CASP10: variants seen among roughly 807,000 people sequenced by gnomAD.
CASP10 encodes caspase-10.
CASP10 carries 41 observed loss-of-function variants against 48.5 expected under a neutral mutation model. The observed-to-expected ratio is 0.85, with a 90% CI of 0.66 to 1.10. CASP10 has a LOEUF of 1.10. Among genes scored for constraint, CASP10 ranks in the 50% least tolerant of loss-of-function variants. The pLI is 0.00. For synonymous variants in CASP10, 232 were observed against 238.4 expected, an observed-to-expected ratio of 0.97 and a Z score of 0.25; for missense variants, 614 against 614.5, an observed-to-expected ratio of 1.00 and a Z score of 0.01.
intron 5 of CASP10, among the ~76,000 whole-genome samples, chr2:201,196,922 G>A (rs2126024694): frequency 6.6e-6 from 1 of 152,098 alleles, no homozygotes; most frequent in Non-Finnish European, 1.5e-5. Context: ...CATATAAGTA[G>A]AACCATACAA....
At chr2:201,227,462 T>A (rs1273297287) in intron 9 of CASP10, among the ~76,000 whole-genome samples, 1 of 152,228 alleles carries the variant, frequency 6.6e-6, no homozygotes, top group East Asian at 1.9e-4. Flanking sequence ...GATCTGGATA[T>A]AATCTCCAGA....
downstream of CASP10, among the ~76,000 whole-genome samples, chr2:201,224,583 C>CAGA (rs1170354172): frequency 1.3e-5 from 2 of 152,148 alleles, no homozygotes; most frequent in Non-Finnish European, 2.9e-5. Flanking sequence ...ACTGTATACC[C>CAGA]AGTCCTCCCC....
In CASP10 at chr2:201,208,076, G is replaced by A. The variant is rs1460561109; in HGVS notation, c.815G>A (p.Arg272Lys). 1.2e-6 allele frequency: 2 copies of A among 1,611,570 alleles called. No homozygotes were observed. The highest frequency in any genetic ancestry group is 1.1e-5 in the South Asian group (1 of 91,018). The change falls in exon 8 of 10, where the codon AGG (arginine) becomes AAG (lysine). Residue 272 changes from arginine (R) to lysine (K), a missense_variant and splice_region_variant. Coordinates refer to ENST00000286186, the MANE Select transcript of CASP10 (RefSeq NM_032977.4). ...AAGTGGCTCTATCTATTCTTCAAGA[G>A]GGCAGCTGTGTACAGGATGAATCGG... ...NTLNSETSTK[R>K]AAVYRMNRNH... is the part of the protein sequence containing the mutation.
chr2:201,200,405 G>A, intron 5 of CASP10: 1 of 1,583,948 alleles, frequency 6.3e-7, no homozygotes, highest in Non-Finnish European at 8.6e-7. Context: ...TTGGCTCTCA[G>A]CATTCTACTG....
chr2:201,203,907 G>A, intron 6 of CASP10, 141 bp downstream of exon 6: 1 of 751,882 alleles, frequency 1.3e-6, no homozygotes, highest in South Asian at 1.5e-5. Context: ...TCCAATTCAA[G>A]GCAAGACATT....
intron 5 of CASP10, among the ~76,000 whole-genome samples, chr2:201,198,529 T>C (rs988722495): frequency 2.7e-5 from 4 of 146,394 alleles, no homozygotes; most frequent in Non-Finnish European, 4.5e-5. Flanking sequence ...CCGGCCTTTA[T>C]TTTTTAATTC....
At chr2:201,201,423 C>T (rs751332453) in intron 5 of CASP10, among the ~76,000 whole-genome samples, 2 of 152,104 alleles carry the variant, frequency 1.3e-5, no homozygotes, top group Non-Finnish European at 1.5e-5. Flanking sequence ...TAACTCTTCC[C>T]ACCCACTTTT....
chr2:201,204,848 G>A (rs536656688), intron 6 of CASP10, among the ~76,000 whole-genome samples: 3 of 152,330 alleles, frequency 2.0e-5, no homozygotes, highest in Admixed American at 1.3e-4. Flanking sequence ...CTCTCATGGT[G>A]AGGAGGAATT....
chr2:201,200,099 A>C (rs1944959049), intron 5 of CASP10, among the ~76,000 whole-genome samples: 2 of 152,166 alleles, frequency 1.3e-5, no homozygotes, highest in African/African-American at 4.8e-5. Context: ...TCCCATCTGG[A>C]AATACGTCAT....
At position 201,218,993 on chromosome 2, in the gene CASP10, G is replaced by C; in HGVS notation, c.*1252G>C. On this transcript the variant is annotated 3_prime_UTR_variant, in exon 10 of 10. Coordinates refer to ENST00000286186, the MANE Select transcript of CASP10 (RefSeq NM_032977.4). ...TGATGTCATATTCCATTTTGGACTG[G>C]GTGCGGTGACTCATGCCTGTAATCC... The C allele has an allele frequency of 1.0e-6, 1 of 985,364 alleles. No individual in the cohort carries two copies. The highest frequency in any genetic ancestry group is 1.7e-5 in the African/African-American group (1 of 57,342). 61.0% of individuals were successfully genotyped at this position (985,364 alleles called of 1,614,324 possible).
Position 201,185,773 on chromosome 2 carries a change from T to A in CASP10, c.-5T>A. The A allele has an allele frequency of 6.2e-7, 1 of 1,606,236 alleles. No individual in the cohort carries two copies. The highest frequency in any genetic ancestry group is 8.5e-7 in the Non-Finnish European group (1 of 1,172,856). On this transcript the variant is annotated splice_region_variant and 5_prime_UTR_variant, in exon 2 of 10. Coordinates refer to ENST00000286186, the MANE Select transcript of CASP10 (RefSeq NM_032977.4). ...CCCCACCTCTCTGTCCCTTTCAGGCTGGCCATGAAATCTCAAGGTCAACAT... is the reference window on the plus strand; with the variant it reads ...CCCCACCTCTCTGTCCCTTTCAGGCAGGCCATGAAATCTCAAGGTCAACAT...
At chr2:201,189,709 A>C (rs1326606504) in intron 3 of CASP10, among the ~76,000 whole-genome samples, 1 of 152,176 alleles carries the variant, frequency 6.6e-6, no homozygotes, top group South Asian at 2.1e-4. Context: ...ACTGAAGTTC[A>C]AACTGAGGCT....
intron 9 of CASP10, chr2:201,214,371 G>A (rs1301113323): frequency 6.6e-6 from 1 of 152,116 alleles, no homozygotes; most frequent in Non-Finnish European, 1.5e-5. Context: ...AATTAATATG[G>A]AAATACAGGG....
intron 4 of CASP10, among the ~76,000 whole-genome samples, chr2:201,193,813 C>CT (rs1944696769): frequency 6.6e-6 from 1 of 152,168 alleles, no homozygotes; most frequent in African/African-American, 2.4e-5. Flanking sequence ...AGAGTGGACT[C>CT]TATAGAGTCG....
chr2:201,195,676 T>A (rs148307772), intron 4 of CASP10, among the ~76,000 whole-genome samples, 166 bp from the exon 5 acceptor site: 1 of 151,884 alleles, frequency 6.6e-6, no homozygotes, highest in Non-Finnish European at 1.5e-5. Context: ...TTTGCTTCAG[T>A]ATTTTTTTTT....
rs761697792 is a variant in CASP10 at position 201,209,200 on chromosome 2, C to T, written c.1053C>T (p.Phe351=). 3.3e-5 allele frequency: 53 copies of T among 1,613,360 alleles called. No homozygotes were observed. The highest frequency in any genetic ancestry group is 1.3e-4 in the South Asian group (12 of 91,058). Residue 351 remains phenylalanine (F), a synonymous_variant, in exon 9 of 10, where the codon TTC becomes TTT. Coordinates refer to ENST00000286186, the MANE Select transcript of CASP10 (RefSeq NM_032977.4). The part of the protein sequence containing the change: ...CNPAHADGDC[F]VFCILTHGRF... ...CAGCCCATGCCGACGGGGACTGCTT[C>T]GTGTTCTGTATTCTGACCCATGGGA...
intron 3 of CASP10, among the ~76,000 whole-genome samples, chr2:201,190,404 G>A (rs1944567487): frequency 6.6e-6 from 1 of 152,080 alleles, no homozygotes; most frequent in Admixed American, 6.6e-5. Flanking sequence ...ATAAAACATT[G>A]TAAGGATCTT....
At chr2:201,213,142 T>G (rs1344745628) in intron 9 of CASP10, 1 of 152,202 alleles carries the variant, frequency 6.6e-6, no homozygotes, top group Non-Finnish European at 1.5e-5. Context: ...AATGGATAAC[T>G]CTCATCCTCT....
intron 9 of CASP10, among the ~76,000 whole-genome samples, chr2:201,227,410 C>G (rs1945802251): frequency 6.6e-6 from 1 of 152,102 alleles, no homozygotes; most frequent in Non-Finnish European, 1.5e-5. Flanking sequence ...GGGGTATTGA[C>G]TCACTTTTTA....
Sources: gnomAD v4.1 joint callset for allele counts (sites outside exome capture counted in the v4.1 genomes callset) on GRCh38, gnomAD v4.1.1 for gene constraint, MANE v1.5 for transcripts, NCBI Gene and HGNC (gene_info 2026-07-23, HGNC 2026-07-21) for gene names.